PSMD4: variants seen among roughly 807,000 people sequenced by gnomAD.
PSMD4 encodes the protein proteasome 26S subunit ubiquitin receptor, non-ATPase 4.
Under a neutral mutation model 39.7 loss-of-function variants are expected in PSMD4, and 5 were observed. The observed-to-expected ratio is 0.13, with a 90% confidence interval of 0.07 to 0.26. The LOEUF (loss-of-function observed/expected upper bound fraction) is 0.26, where lower values mean the gene tolerates loss of function less well. PSMD4 is among the 10% of genes least tolerant of loss of function. The pLI is 1.00. For missense variants in PSMD4, 272 were observed against 486.1 expected (o/e 0.56, Z 4.14); for synonymous variants, 143 against 174.6 (o/e 0.82, Z 1.43).
Position 151,267,352 on chromosome 1 carries a change from G to A in PSMD4, c.*9G>A. On this transcript the variant is annotated 3_prime_UTR_variant, in exon 10 of 10. Transcript: ENST00000368884. Reference sequence around the variant, plus strand: ...AGGAAGACAAGAAGTGAGACTGGAGGGAAAGGGTAGCTGAGTCTGCTTAGG... The same window carrying A: ...AGGAAGACAAGAAGTGAGACTGGAGAGAAAGGGTAGCTGAGTCTGCTTAGG... 6.2e-7 allele frequency: 1 copy of A among 1,613,570 alleles called. No individual in the cohort carries two copies. Among genetic ancestry groups the A allele is most frequent in the Non-Finnish European group, 8.5e-7 (1 of 1,179,596 alleles).
At chr1:151,266,281 A>G (rs766236255) in intron 7 of PSMD4, 27 bp from the exon 8 acceptor site, 35 of 1,613,658 alleles carry the variant, frequency 2.2e-5, no homozygotes, top group African/African-American at 5.3e-5. Context: ...CACCAATTCT[A>G]CCCTGCTCCT....
chr1:151,264,031 G>GC lies in PSMD4; in HGVS notation c.282+3_282+4insC. 6.4e-7 allele frequency: 1 copy of GC among 1,573,670 alleles called. No homozygotes were observed. Among genetic ancestry groups the GC allele is most frequent in the Non-Finnish European group, 8.7e-7 (1 of 1,155,114 alleles). ...GCACGGGCATCCGCGTGGCCCATGT[G>GC]AGTCCTACTGGGTTCCCTGGACCTT... On this transcript the variant is annotated splice_donor_region_variant and intron_variant, in intron 3 of 9. Coordinates refer to ENST00000368884, the MANE Select transcript of PSMD4 (RefSeq NM_002810.4).
At chr1:151,261,434 C>T (rs1292693283) in intron 1 of PSMD4, among the ~76,000 whole-genome samples, 2 of 152,070 alleles carry the variant, frequency 1.3e-5, no homozygotes, top group East Asian at 3.9e-4. Context: ...CTCGGCCTCC[C>T]AAAGTGCTGG....
chr1:151,267,281 T>C lies in PSMD4; in HGVS notation c.1072T>C (p.Ser358Pro), dbSNP rs1268546234. 6.2e-7 allele frequency: 1 copy of C among 1,613,816 alleles called. No homozygotes were observed. Among genetic ancestry groups the C allele is most frequent in the African/African-American group, 1.3e-5 (1 of 74,974 alleles). Reference protein sequence around the residue: ...NNEAIRNAMGSLASQATKDGK... With the variant: ...NNEAIRNAMGPLASQATKDGK... ...TGAAGCCATTCGAAATGCTATGGGC[T>C]CCCTGGCCTCCCAGGCCACCAAGGA... Residue 358 changes from serine to proline, a missense_variant, in exon 10 of 10, where the codon TCC becomes CCC. Transcript: ENST00000368884.
rs587681279 is a variant in PSMD4, at chr1:151,264,459, G to T, written c.283-373G>T. ...GTTCGAGACCAATCTGGCCAACGTGGTGAAACCCCATCTCTACTGAAAATA... is the reference window on the plus strand; with the variant it reads ...GTTCGAGACCAATCTGGCCAACGTGTTGAAACCCCATCTCTACTGAAAATA... On this transcript the variant is annotated intron_variant, in intron 3 of 9. Coordinates refer to ENST00000368884, the MANE Select transcript of PSMD4 (RefSeq NM_002810.4). Among the ~76,000 whole-genome samples the T allele has an allele frequency of 2.6e-5, 4 of 152,160 alleles. No individual in the cohort carries two copies. The East Asian group carries it at 7.7e-4, about 29-fold the overall frequency.
At chr1:151,256,778 G>A (rs1693184789) in intron 1 of PSMD4, among the ~76,000 whole-genome samples, 1 of 139,312 alleles carries the variant, frequency 7.2e-6, no homozygotes, top group African/African-American at 2.7e-5. Flanking sequence ...TATTGCCCAG[G>A]CTGGAGTGCA....
At chr1:151,262,441 A>G in intron 2 of PSMD4, 140 bp downstream of exon 2, 2 of 1,057,786 alleles carry the variant, frequency 1.9e-6, no homozygotes, top group South Asian at 1.4e-5. Context: ...GTCAATAGCA[A>G]CTTGTTTTTT....
chr1:151,262,350 A>G (rs1455682832), intron 2 of PSMD4, 49 bp downstream of exon 2: 2 of 1,606,620 alleles, frequency 1.2e-6, no homozygotes, highest in African/African-American at 1.3e-5. Context: ...TGGTTGTTAC[A>G]TGCTACTCTT....
intron 2 of PSMD4, 193 bp from the exon 3 acceptor site, chr1:151,263,721 C>T: frequency 2.8e-6 from 1 of 360,594 alleles, no homozygotes; most frequent in South Asian, 3.8e-5. Flanking sequence ...GTCCCAGCTA[C>T]TTGGGAGTCT....
intron 1 of PSMD4, among the ~76,000 whole-genome samples, chr1:151,255,300 A>C (rs1693137729): frequency 6.6e-6 from 1 of 152,122 alleles, no homozygotes; most frequent in South Asian, 2.1e-4. Flanking sequence ...TATCTCACTT[A>C]TACCTCACAA....
intron 1 of PSMD4, among the ~76,000 whole-genome samples, chr1:151,257,724 T>TC (rs1269870142): frequency 4.8e-5 from 7 of 144,646 alleles, no homozygotes; most frequent in Non-Finnish European, 9.1e-5. Context: ...TCTTTTTTTT[T>TC]TTTTTTTTTT....
chr1:151,257,393 T>C (rs904246480), intron 1 of PSMD4, among the ~76,000 whole-genome samples: 4 of 152,324 alleles, frequency 2.6e-5, no homozygotes, highest in African/African-American at 9.6e-5. Context: ...TTTGTTCTTT[T>C]AGCTTAGGAT....
Position 151,264,906 on chromosome 1 carries a change from C to T in PSMD4, c.357C>T (p.Asp119=). ...IIAFVGSPVE[D]NEKDLVKLAK... ...CCTTTGTGGGAAGCCCAGTGGAGGA[C>T]AATGAGAAGGATGTGAGTCCAAGTG... The change falls in exon 4 of 10, where the codon GAC becomes GAT. Residue 119 remains aspartate (D), a synonymous_variant. Coordinates refer to ENST00000368884, the MANE Select transcript of PSMD4 (RefSeq NM_002810.4). The T allele has an allele frequency of 6.2e-7, 1 of 1,612,038 alleles. No homozygotes were observed. The highest frequency in any genetic ancestry group is 8.5e-7 in the Non-Finnish European group (1 of 1,178,634).
intron 1 of PSMD4, 77 bp from the exon 2 acceptor site, chr1:151,262,084 G>A (rs1693332533): frequency 6.6e-7 from 1 of 1,523,058 alleles, no homozygotes; most frequent in East Asian, 2.3e-5. Context: ...TGCTATAGGG[G>A]GCCTCTGGAA....
chr1:151,262,047 A>G (rs2101838176), intron 1 of PSMD4, 114 bp from the exon 2 acceptor site: 3 of 1,125,952 alleles, frequency 2.7e-6, no homozygotes, highest in East Asian at 4.8e-5. Context: ...AAAGAAAAAA[A>G]GCTACAGGTG....
intron 1 of PSMD4, among the ~76,000 whole-genome samples, chr1:151,256,798 T>G (rs1329196233): frequency 6.9e-6 from 1 of 144,138 alleles, no homozygotes; most frequent in Non-Finnish European, 1.5e-5. Context: ...AATGACACAA[T>G]CTCAGCTCCC....
At chr1:151,259,698 G>A (rs946799677) in intron 1 of PSMD4, among the ~76,000 whole-genome samples, 1 of 151,934 alleles carries the variant, frequency 6.6e-6, no homozygotes, top group African/African-American at 2.4e-5. Flanking sequence ...TGACTAGCCT[G>A]GGCAACAAAG....
intron 9 of PSMD4, 101 bp downstream of exon 9, chr1:151,266,688 G>T: frequency 1.5e-6 from 2 of 1,354,154 alleles, no homozygotes; most frequent in Non-Finnish European, 2.1e-6. Flanking sequence ...GTCCTTTGAG[G>T]AGCAGAGGGA....
chr1:151,262,462 G>A (rs1693338509), intron 2 of PSMD4, 161 bp downstream of exon 2: 2 of 804,854 alleles, frequency 2.5e-6, no homozygotes, highest in Admixed American at 5.1e-5. Flanking sequence ...GTATTAACCT[G>A]TATTTAATGT....
Sources: gnomAD v4.1 joint callset for allele counts (sites outside exome capture counted in the v4.1 genomes callset) on GRCh38, gnomAD v4.1.1 for gene constraint, MANE v1.5 for transcripts, NCBI Gene and HGNC (gene_info 2026-07-23, HGNC 2026-07-21) for gene names.